FER: variants seen among roughly 807,000 people sequenced by gnomAD.
FER encodes the protein FER tyrosine kinase.
Under a neutral mutation model 111.0 loss-of-function variants are expected in FER, and 63 were observed. The ratio of observed to expected loss-of-function variants is 0.57; its 90% confidence interval spans 0.46 to 0.70. The LOEUF (loss-of-function observed/expected upper bound fraction) is 0.70, where lower values mean the gene tolerates loss of function less well. Among genes scored for constraint, FER ranks in the 30% least tolerant of loss-of-function variants. The pLI, the probability that FER is intolerant of heterozygous loss-of-function variation, is 0.00. For missense variants in FER, 914 were observed against 954.0 expected (o/e 0.96, Z 0.55); for synonymous variants, 327 against 313.9 (o/e 1.04, Z -0.44).
intron 10 of FER, among the ~76,000 whole-genome samples, chr5:108,944,957 C>A (rs1232022922): frequency 6.6e-6 from 1 of 151,192 alleles, no homozygotes; most frequent in African/African-American, 2.4e-5. Context: ...CTAACTGGAC[C>A]TCTCCATTAG....
chr5:108,817,103 CAAAAAAAAAAAAAA>C lies in FER; in HGVS notation c.208-15646_208-15633del, dbSNP rs70999913. ...TGGGCAACAGAGCAAGACACTGTCT[CAAAAAAAAAAAAAA>C]AAAAAAAAAAAAAAAAAAAAGCTTG... On this transcript the variant is annotated intron_variant, in intron 3 of 19. Transcript: ENST00000281092. Among the ~76,000 whole-genome samples the C allele has an allele frequency of 3.2e-4, 19 of 59,198 alleles. No individual in the cohort carries two copies. The East Asian group carries it at 0.014, about 43-fold the overall frequency. 38.8% of individuals were successfully genotyped at this position (59,198 alleles called of 152,430 possible).
intron 12 of FER, 110 bp from the exon 13 acceptor site, chr5:108,959,115 A>AT (rs2149667126): frequency 9.2e-7 from 1 of 1,082,154 alleles, no homozygotes; most frequent in Admixed American, 2.4e-5. Context: ...GTATATTCAC[A>AT]TTGTTGTGCA....
rs1387172962 is a variant in FER, at chr5:108,845,019, T to TAC, written c.481+9213_481+9214insCA. 8.7e-4 allele frequency among the ~76,000 whole-genome samples: 45 copies of TAC among 51,548 alleles called. 1 individual carries two copies. Among genetic ancestry groups the TAC allele is most frequent in the African/African-American group, 2.0e-3 (31 of 15,408 alleles). 33.8% of individuals were successfully genotyped at this position (51,548 alleles called of 152,430 possible). Reference sequence around the variant, plus strand: ...GTGTATATATATATATATATATATATATATATATATATATATATATACATA... The same window carrying TAC: ...GTGTATATATATATATATATATATATACATATATATATATATATATATACATA... On this transcript the variant is annotated intron_variant, in intron 5 of 19. Transcript: ENST00000281092.
chr5:109,092,911 G>C (rs748928619), intron 16 of FER, among the ~76,000 whole-genome samples: 2 of 152,134 alleles, frequency 1.3e-5, no homozygotes, highest in Non-Finnish European at 2.9e-5. Flanking sequence ...ATATAAAATG[G>C]AATATTATTC....
Position 108,767,937 on chromosome 5 carries a change from ATAAGT to A in FER, c.-205-153_-205-149del, listed in dbSNP as rs527660523. Among the ~76,000 whole-genome samples, 21 of 152,350 alleles carry A rather than the reference ATAAGT, an allele frequency of 1.4e-4. No homozygotes were observed. The Middle Eastern group carries it at 0.014, about 99-fold the overall frequency. The stretch of plus-strand genomic sequence containing the variant: ...AGGGGAGGGAGTAAGCAATGGATAG[ATAAGT>A]TAGGTAAGTGTAGCATTCTTATTTT... On this transcript the variant is annotated intron_variant, in intron 1 of 19. Coordinates refer to ENST00000281092, the MANE Select transcript of FER (RefSeq NM_005246.4).
At chr5:109,143,870 A>G (rs1288191477) in intron 17 of FER, among the ~76,000 whole-genome samples, 5 of 150,066 alleles carry the variant, frequency 3.3e-5, no homozygotes, top group African/African-American at 1.2e-4. Context: ...ATATATTTAT[A>G]TAAAATATAT....
rs1033509553 is a variant in FER at position 109,190,173 on chromosome 5, G to A, written c.*2598G>A. 6.6e-6 allele frequency: 1 copy of A among 152,082 alleles called. No homozygotes were observed. The highest frequency in any genetic ancestry group is 1.5e-5 in the Non-Finnish European group (1 of 68,004). 9.4% of individuals were successfully genotyped at this position (152,082 alleles called of 1,614,324 possible). ...TTATTGGAATTATATACTTTAGGAG[G>A]CTAATCCATGCCCAGGAAGCACGAA... On this transcript the variant is annotated 3_prime_UTR_variant, in exon 20 of 20. Transcript: ENST00000281092.
intron 16 of FER, among the ~76,000 whole-genome samples, chr5:109,049,667 G>C (rs1287028104): frequency 6.6e-6 from 1 of 151,972 alleles, no homozygotes; most frequent in African/African-American, 2.4e-5. Flanking sequence ...CAGTGAAGCT[G>C]AACATGACCA....
chr5:108,838,547 T>C (rs538017763), intron 5 of FER, among the ~76,000 whole-genome samples: 2 of 152,216 alleles, frequency 1.3e-5, no homozygotes, highest in South Asian at 2.1e-4. Context: ...TCAGCAGTAG[T>C]AGTAGTAGTA....
At chr5:108,979,201 T>C (rs1256110848) in intron 13 of FER, among the ~76,000 whole-genome samples, 2 of 152,226 alleles carry the variant, frequency 1.3e-5, no homozygotes, top group East Asian at 3.8e-4. Flanking sequence ...TGTAAAGTTC[T>C]TCCTGATTAT....
At chr5:109,033,922 T>C (rs548886651) in intron 13 of FER, among the ~76,000 whole-genome samples, 5 of 152,234 alleles carry the variant, frequency 3.3e-5, no homozygotes, top group Non-Finnish European at 7.3e-5. Flanking sequence ...ATGTATATAT[T>C]GTGGAATGAT....
chr5:109,087,167 A>G (rs1004277899), intron 16 of FER, among the ~76,000 whole-genome samples: 7 of 151,676 alleles, frequency 4.6e-5, no homozygotes, highest in Admixed American at 2.0e-4. Flanking sequence ...GTGTTGCTCA[A>G]TGTTTGAATA....
chr5:109,016,055 G>C (rs1024269637), intron 13 of FER, among the ~76,000 whole-genome samples: 3 of 151,940 alleles, frequency 2.0e-5, no homozygotes, highest in Admixed American at 1.3e-4. Flanking sequence ...AGAGAACAAA[G>C]GCACCAGGAG....
chr5:108,971,952 G>GT (rs905433317), intron 13 of FER, among the ~76,000 whole-genome samples: 53 of 151,598 alleles, frequency 3.5e-4, no homozygotes, highest in Middle Eastern at 3.4e-3. Flanking sequence ...AATTGTTGAA[G>GT]TTTTTTTTCC....
rs2126884322 is a variant in FER at position 109,186,193 on chromosome 5, CT to C, written c.2204-5del. ...TCATGTGGTTATGGTTGTTGTTCCT[CT>C]TCCAGGGAGATACAGTTCAGAGAGT... On this transcript the variant is annotated splice_region_variant and splice_polypyrimidine_tract_variant and intron_variant, in intron 18 of 19. Coordinates refer to ENST00000281092, the MANE Select transcript of FER (RefSeq NM_005246.4). The C allele has an allele frequency of 6.2e-7, 1 of 1,614,112 alleles. No individual in the cohort carries two copies. The highest frequency in any genetic ancestry group is 1.1e-5 in the South Asian group (1 of 91,080).
chr5:109,083,255 T>A (rs1777191828), intron 16 of FER, among the ~76,000 whole-genome samples: 1 of 152,080 alleles, frequency 6.6e-6, no homozygotes. Context: ...ACATGACAAT[T>A]AATTTTACTT....
At chr5:108,862,501 GTTAGACTAAAAAA>G (rs895148786) in intron 5 of FER, among the ~76,000 whole-genome samples, 2 of 152,074 alleles carry the variant, frequency 1.3e-5, no homozygotes, top group African/African-American at 2.4e-5. Context: ...GTCTTCTGAA[GTTAGACTAAAAAA>G]TTCAGGGAAT....
intron 16 of FER, among the ~76,000 whole-genome samples, chr5:109,075,072 T>C (rs1776164122): frequency 6.6e-6 from 1 of 152,224 alleles, no homozygotes; most frequent in Admixed American, 6.5e-5. Context: ...GTATATATCT[T>C]AGCTTTCTAA....
At chr5:108,868,095 C>T in intron 6 of FER, 145 bp downstream of exon 6, 1 of 719,360 alleles carries the variant, frequency 1.4e-6, no homozygotes, top group Non-Finnish European at 2.2e-6. Flanking sequence ...TTGATTTTCA[C>T]TTTTCATGTC....
Sources: gnomAD v4.1 joint callset for allele counts (sites outside exome capture counted in the v4.1 genomes callset) on GRCh38, gnomAD v4.1.1 for gene constraint, MANE v1.5 for transcripts, NCBI Gene and HGNC (gene_info 2026-07-23, HGNC 2026-07-21) for gene names.